The following IQGAP1 variants were observed in gnomAD, a reference collection of about 807,000 sequenced individuals.
IQGAP1 encodes the protein IQ motif containing GTPase activating protein 1.
A neutral mutation model predicts 215.6 loss-of-function variants in IQGAP1; 66 were observed. That is an observed-to-expected ratio of 0.31 (90% CI 0.25 to 0.38). The LOEUF (loss-of-function observed/expected upper bound fraction) is 0.38, where lower values mean the gene tolerates loss of function less well. Among genes scored for constraint, IQGAP1 ranks in the 10% least tolerant of loss-of-function variants. The pLI is 1.00. For synonymous variants in IQGAP1, 772 were observed against 728.7 expected, an observed-to-expected ratio of 1.06 and a Z score of -0.96; for missense variants, 1,712 against 1,997.1, an observed-to-expected ratio of 0.86 and a Z score of 2.72.
chr15:90,459,614 G>T (rs1246788080), intron 15 of IQGAP1, among the ~76,000 whole-genome samples: 1 of 152,194 alleles, frequency 6.6e-6, no homozygotes, highest in African/African-American at 2.4e-5. Flanking sequence ...GGAGTTAAAG[G>T]AAAAATTGCT....
At chr15:90,406,830 G>A (rs1326427959) in intron 2 of IQGAP1, among the ~76,000 whole-genome samples, 2 of 152,184 alleles carry the variant, frequency 1.3e-5, no homozygotes, top group African/African-American at 2.4e-5. Flanking sequence ...TTCAAAAAGT[G>A]TATAGGATAA....
chr15:90,461,826 A>G (rs187580021), intron 15 of IQGAP1, among the ~76,000 whole-genome samples: 6 of 151,680 alleles, frequency 4.0e-5, no homozygotes, highest in Non-Finnish European at 7.4e-5. Context: ...CTGCATCTCA[A>G]AAAGGAAGAA....
chr15:90,473,783 A>G lies in IQGAP1; in HGVS notation c.2418A>G (p.Lys806=), dbSNP rs781034911. ...QDRLAYLRSH[K]DEVVKIQSLA... is the part of the protein sequence containing the mutation. ...GGTTAGCTTACCTGCGCTCCCACAA[A>G]GATGAAGTTGTAAAGGTATGGTAGC... Residue 806 remains lysine, a synonymous_variant, in exon 20 of 38, where the codon AAA becomes AAG. Transcript: ENST00000268182. The G allele has an allele frequency of 6.2e-7, 1 of 1,612,744 alleles. No homozygotes were observed. The highest frequency in any genetic ancestry group is 8.5e-7 in the Non-Finnish European group (1 of 1,179,616).
intron 2 of IQGAP1, among the ~76,000 whole-genome samples, chr15:90,394,593 G>C (rs1446386237): frequency 1.3e-5 from 2 of 152,108 alleles, no homozygotes; most frequent in Non-Finnish European, 2.9e-5. Flanking sequence ...TATCTTGTGT[G>C]TTCCGAGGGC....
chr15:90,392,761 T>TTG (rs1964653594), intron 2 of IQGAP1, among the ~76,000 whole-genome samples: 1 of 147,402 alleles, frequency 6.8e-6, no homozygotes, highest in Non-Finnish European at 1.5e-5. Flanking sequence ...TTTTTTTTTT[T>TTG]TTTTGTACAG....
At position 90,453,235 on chromosome 15, in the gene IQGAP1, A is replaced by G; in HGVS notation, c.1430A>G (p.Lys477Arg). 8 of 1,614,066 alleles carry G rather than the reference A, an allele frequency of 5.0e-6. No homozygotes were observed. Among genetic ancestry groups the G allele is most frequent in the Non-Finnish European group, 6.8e-6 (8 of 1,179,968 alleles). ...TCAGGAGATGTGAATACAGTGTGGA[A>G]GCAATTGAGCAGTTCAGTTACTGGT... ...LESGDVNTVW[K>R]QLSSSVTGLT... The change falls in exon 13 of 38, where the codon AAG (lysine) becomes AGG (arginine). Residue 477 changes from lysine to arginine, a missense_variant. By Grantham distance (26) the Lys-to-Arg change is conservative. Coordinates refer to ENST00000268182, the MANE Select transcript of IQGAP1 (RefSeq NM_003870.4).
chr15:90,453,166 T>G lies in IQGAP1; in HGVS notation c.1361T>G (p.Val454Gly), dbSNP rs751442458. The G allele has an allele frequency of 6.2e-7, 1 of 1,613,848 alleles. No individual in the cohort carries two copies. The highest frequency in any genetic ancestry group is 8.5e-7 in the Non-Finnish European group (1 of 1,179,862). ...NLTHPELSVA[V>G]EMLSSVALIN... ...ACCCACCCAGAGCTCTCTGTCGCAG[T>G]GGAGATGTTGTCATCGGTGGCCCTG... The change falls in exon 13 of 38, where the codon GTG (valine) becomes GGG (glycine). Residue 454 changes from valine to glycine, a missense_variant. Physicochemically the swap from Val to Gly is moderately radical, Grantham distance 109. Coordinates refer to ENST00000268182, the MANE Select transcript of IQGAP1 (RefSeq NM_003870.4).
rs1965221561 is a variant in IQGAP1 at position 90,426,252 on chromosome 15, C to G, written c.298C>G (p.Gln100Glu). The G allele has an allele frequency of 1.3e-6, 2 of 1,596,228 alleles. No homozygotes were observed. Among genetic ancestry groups the G allele is most frequent in the African/African-American group, 2.7e-5 (2 of 73,458 alleles). Residue 100 changes from glutamine (Q) to glutamate (E), a missense_variant, in exon 3 of 38, where the codon CAG becomes GAG. Gln to Glu is a conservative substitution (Grantham distance 29). Coordinates refer to ENST00000268182, the MANE Select transcript of IQGAP1 (RefSeq NM_003870.4). ...VSLKKIYDRE[Q>E]TRYKATGLHF... ...CCTGAAAAAAATCTATGATCGAGAA[C>G]AGACCAGATACAAGGTGAGTCCTTC...
At chr15:90,438,074 C>A (rs568367827) in intron 5 of IQGAP1, among the ~76,000 whole-genome samples, 1 of 152,030 alleles carries the variant, frequency 6.6e-6, no homozygotes, top group Non-Finnish European at 1.5e-5. Flanking sequence ...AAATTTTGAT[C>A]AGTTCTGTGA....
At position 90,473,694 on chromosome 15, in the gene IQGAP1, T is replaced by G; in HGVS notation, c.2350-21T>G. The G allele has an allele frequency of 2.6e-6, 4 of 1,560,926 alleles. 1 individual carries two copies. The South Asian group carries it at 4.5e-5, about 17-fold the overall frequency. On this transcript the variant is annotated intron_variant, in intron 19 of 37. Transcript: ENST00000268182. ...GATGCTTGGGAAGTAATATGTCTTC[T>G]GTAACATTTGACTGTTTCAGTCACA...
intron 11 of IQGAP1, among the ~76,000 whole-genome samples, chr15:90,452,539 A>C (rs962628402): frequency 3.9e-5 from 6 of 152,222 alleles, no homozygotes; most frequent in African/African-American, 1.4e-4. Context: ...AGGGATGAGG[A>C]GAACAGTTAG....
intron 9 of IQGAP1, 31 bp from the exon 10 acceptor site, chr15:90,448,542 C>T: frequency 6.5e-7 from 1 of 1,541,900 alleles, no homozygotes; most frequent in Non-Finnish European, 8.7e-7. Flanking sequence ...TTAACATAGT[C>T]CTTTCACAAG....
intron 35 of IQGAP1, chr15:90,494,015 T>G (rs907615816): frequency 1.3e-5 from 2 of 152,182 alleles, no homozygotes; most frequent in Admixed American, 1.3e-4. Context: ...AGACCTAGAT[T>G]CTCATTTTTT....
chr15:90,499,240 G>A (rs1396905546), intron 37 of IQGAP1, among the ~76,000 whole-genome samples: 2 of 152,208 alleles, frequency 1.3e-5, no homozygotes, highest in African/African-American at 4.8e-5. Context: ...CAGGAAAAGC[G>A]GGAGCATTGC....
intron 5 of IQGAP1, among the ~76,000 whole-genome samples, chr15:90,435,210 C>T (rs1483594652): frequency 6.6e-6 from 1 of 152,138 alleles, no homozygotes; most frequent in East Asian, 1.9e-4. Flanking sequence ...GGTACAGTGG[C>T]TCTCACCTGT....
At chr15:90,408,136 T>G (rs1284960197) in intron 2 of IQGAP1, among the ~76,000 whole-genome samples, 2 of 152,326 alleles carry the variant, frequency 1.3e-5, no homozygotes, top group East Asian at 3.9e-4. Context: ...CCTTTAGAGT[T>G]GAAGCTCTTT....
intron 36 of IQGAP1, among the ~76,000 whole-genome samples, chr15:90,495,777 A>G (rs1966264268): frequency 6.7e-6 from 1 of 150,134 alleles, no homozygotes; most frequent in African/African-American, 2.4e-5. Context: ...AGGTGGGACT[A>G]CAGGCATGCA....
chr15:90,480,375 A>C (rs970269588), intron 26 of IQGAP1, among the ~76,000 whole-genome samples: 1 of 152,120 alleles, frequency 6.6e-6, no homozygotes, highest in Admixed American at 6.5e-5. Flanking sequence ...ACACGTAGCA[A>C]ACTGGAATCT....
intron 2 of IQGAP1, among the ~76,000 whole-genome samples, chr15:90,405,561 C>T (rs1158533632): frequency 1.3e-5 from 2 of 152,138 alleles, no homozygotes; most frequent in Non-Finnish European, 2.9e-5. Flanking sequence ...TGTGCTGTGA[C>T]ATTAAAGAAA....
Sources: allele counts gnomAD v4.1 joint callset (sites outside exome capture counted in the v4.1 genomes callset), GRCh38; gene constraint gnomAD v4.1.1; transcripts MANE v1.5; gene names NCBI Gene and HGNC (gene_info 2026-07-23, HGNC 2026-07-21).